Variants in ADGRL2 observed in about 807,000 individuals in gnomAD.
ADGRL2 encodes adhesion G protein-coupled receptor L2.
ADGRL2 carries 44 observed loss-of-function variants against 157.4 expected under a neutral mutation model. The observed-to-expected ratio is 0.28, with a 90% CI of 0.22 to 0.36. ADGRL2 has a LOEUF of 0.36. Among genes scored for constraint, ADGRL2 ranks in the 10% least tolerant of loss-of-function variants. ADGRL2 has a pLI of 1.00. For synonymous variants in ADGRL2, 585 were observed against 624.7 expected, an observed-to-expected ratio of 0.94 and a Z score of 0.95; for missense variants, 1,510 against 1,768.9, an observed-to-expected ratio of 0.85 and a Z score of 2.63.
rs187176673 is a variant in ADGRL2 at position 81,834,838 on chromosome 1, T to C, written c.-100-2047T>C. Among the ~76,000 whole-genome samples, 21 of 152,266 alleles carry C rather than the reference T, an allele frequency of 1.4e-4. No homozygotes were observed. In the East Asian group the frequency reaches 2.9e-3, roughly 21 times the overall value. On this transcript the variant is annotated intron_variant, in intron 1 of 23. Transcript: ENST00000686636. ...TACATGGTCTCATAATTGAATGATA[T>C]GTATTTTTAAAATTGTGTTTCACAT...
At chr1:81,696,478 C>T (rs566904383), upstream of ADGRL2, among the ~76,000 whole-genome samples, 3 of 151,966 alleles carry the variant, frequency 2.0e-5, no homozygotes, top group East Asian at 1.9e-4. Flanking sequence ...GTTGGCCAGG[C>T]GCGGTGGCTC....
intron 2 of ADGRL2, among the ~76,000 whole-genome samples, chr1:81,853,107 T>C (rs1405779547): frequency 6.6e-6 from 1 of 152,164 alleles, no homozygotes; most frequent in African/African-American, 2.4e-5. Flanking sequence ...GGGTATCTGT[T>C]ATCACTGAAT....
chr1:81,799,733 A>C (rs776761687), upstream of ADGRL2, among the ~76,000 whole-genome samples: 6 of 152,208 alleles, frequency 3.9e-5, no homozygotes, highest in Non-Finnish European at 8.8e-5. Context: ...CTTAAGTTTT[A>C]TCCTACTTTC....
chr1:81,881,325 G>A (rs953956028), intron 2 of ADGRL2, among the ~76,000 whole-genome samples: 1 of 152,126 alleles, frequency 6.6e-6, no homozygotes, highest in Non-Finnish European at 1.5e-5. Flanking sequence ...ACAGGAGCCC[G>A]CCGCCACGCC....
intron 1 of ADGRL2, among the ~76,000 whole-genome samples, chr1:81,742,281 T>C (rs762974610): frequency 7.2e-5 from 11 of 152,028 alleles, no homozygotes; most frequent in Non-Finnish European, 1.6e-4. Flanking sequence ...GTAGTTTCCT[T>C]AGGAATCATA....
intron 1 of ADGRL2, among the ~76,000 whole-genome samples, chr1:81,348,880 G>T (rs1025279637): frequency 1.3e-5 from 2 of 152,132 alleles, no homozygotes; most frequent in African/African-American, 4.8e-5. Context: ...ATTGATTTAT[G>T]AATTTGTTTA....
At chr1:81,821,058 C>A (rs1488485162) in intron 1 of ADGRL2, among the ~76,000 whole-genome samples, 2 of 151,988 alleles carry the variant, frequency 1.3e-5, no homozygotes, top group African/African-American at 4.8e-5. Flanking sequence ...GAAGACATAG[C>A]TATGCATAAG....
chr1:81,990,528 A>T lies in ADGRL2; in HGVS notation c.3793A>T (p.Asn1265Tyr). ...AGTTGTGGACTGTGGACTAAGTCTG[A>T]ATGATACTGCTTTTGAGAAAATGAT... Reference protein sequence around the residue: ...VQVVDCGLSLNDTAFEKMIIS... With the variant: ...VQVVDCGLSLYDTAFEKMIIS... Residue 1265 changes from asparagine to tyrosine, a missense_variant, in exon 24 of 24, where the codon AAT (asparagine) becomes TAT (tyrosine). Coordinates refer to ENST00000686636, the MANE Select transcript of ADGRL2 (RefSeq NM_001366006.2). 6.2e-7 allele frequency: 1 copy of T among 1,614,140 alleles called. No individual in the cohort carries two copies. Among genetic ancestry groups the T allele is most frequent in the Non-Finnish European group, 8.5e-7 (1 of 1,180,006 alleles).
intron 2 of ADGRL2, among the ~76,000 whole-genome samples, chr1:81,473,392 T>C (rs1020673418): frequency 6.6e-6 from 1 of 152,204 alleles, no homozygotes; most frequent in East Asian, 1.9e-4. Flanking sequence ...AGAACTTATA[T>C]ACACACTGGA....
At chr1:81,877,894 A>G (rs892899653) in intron 2 of ADGRL2, among the ~76,000 whole-genome samples, 22 of 152,260 alleles carry the variant, frequency 1.4e-4, no homozygotes, top group Admixed American at 6.5e-4. Context: ...TCATAAGTCA[A>G]GGTTGACATA....
exon 1 of ADGRL2, chr1:81,306,492 TC>T (rs1294913789): frequency 6.6e-6 from 1 of 151,958 alleles, no homozygotes; most frequent in Non-Finnish European, 1.5e-5. Context: ...GGAACTTACC[TC>T]CATCTGTCTT....
intron 3 of ADGRL2, among the ~76,000 whole-genome samples, chr1:81,636,258 T>C (rs761786818): frequency 5.3e-5 from 8 of 152,242 alleles, no homozygotes; most frequent in Non-Finnish European, 7.3e-5. Context: ...AAAGTGTATA[T>C]ATATGTGCAT....
intron 1 of ADGRL2, among the ~76,000 whole-genome samples, chr1:81,746,840 G>A (rs1218282109): frequency 9.8e-5 from 13 of 132,086 alleles, no homozygotes; most frequent in Non-Finnish European, 1.9e-4. Flanking sequence ...ATATATACAT[G>A]TATATACACA....
At chr1:81,945,416 AAAAG>A (rs964116728) in intron 6 of ADGRL2, among the ~76,000 whole-genome samples, 3 of 152,116 alleles carry the variant, frequency 2.0e-5, no homozygotes, top group African/African-American at 4.8e-5. Context: ...CCTCAGAAAA[AAAAG>A]AAAGAAAAAA....
chr1:81,948,368 C>T (rs1650623624), intron 6 of ADGRL2, among the ~76,000 whole-genome samples: 1 of 151,726 alleles, frequency 6.6e-6, no homozygotes, highest in Non-Finnish European at 1.5e-5. Flanking sequence ...TATTATGAAT[C>T]TCAACTAATG....
chr1:81,339,683 T>C (rs1038594525), intron 1 of ADGRL2, among the ~76,000 whole-genome samples: 2 of 152,212 alleles, frequency 1.3e-5, no homozygotes, highest in Non-Finnish European at 2.9e-5. Context: ...TCTCTCAAGA[T>C]TGACTACTAT....
Position 81,518,085 on chromosome 1 carries a change from G to A in ADGRL2, c.-247-62791G>A, listed in dbSNP as rs765610223. On this transcript the variant is annotated intron_variant, in intron 2 of 24. Transcript: ENST00000370721. ...AATTAATTGAGACTAGGTTTTTAGC[G>A]AGGAAGGATGGAGAGTTCAGTTCTG... Among the ~76,000 whole-genome samples the A allele has an allele frequency of 1.3e-4, 20 of 152,348 alleles. 1 individual carries two copies. Among genetic ancestry groups the A allele is most frequent in the African/African-American group, 3.1e-4 (13 of 41,596 alleles).
At position 81,990,904 on chromosome 1, in the gene ADGRL2, A is replaced by G. The variant is rs1166288878; in HGVS notation, c.4169A>G (p.Asp1390Gly). ...TATACAAGCATGCCCAATCTTAGAG[A>G]CTCTCCCTATCCGGAGAGCAGCCCT... is the stretch of plus-strand genomic sequence containing the variant. ...SLYTSMPNLR[D>G]SPYPESSPDM... The change falls in exon 24 of 24, where the codon GAC (aspartate) becomes GGC (glycine). Residue 1390 changes from aspartate to glycine, a missense_variant. By Grantham distance (94) the Asp-to-Gly change is moderately conservative. Coordinates refer to ENST00000686636, the MANE Select transcript of ADGRL2 (RefSeq NM_001366006.2). 1.2e-6 allele frequency: 2 copies of G among 1,613,148 alleles called. No homozygotes were observed. Among genetic ancestry groups the G allele is most frequent in the African/African-American group, 1.3e-5 (1 of 74,638 alleles).
At chr1:81,398,102 A>G (rs977925252) in intron 1 of ADGRL2, among the ~76,000 whole-genome samples, 36 of 152,158 alleles carry the variant, frequency 2.4e-4, no homozygotes, top group Middle Eastern at 3.4e-3. Flanking sequence ...CCTAAAATCT[A>G]TTTTATCTGA....
Sources: gnomAD v4.1 joint callset for allele counts (sites outside exome capture counted in the v4.1 genomes callset) on GRCh38, gnomAD v4.1.1 for gene constraint, MANE v1.5 for transcripts, NCBI Gene and HGNC (gene_info 2026-07-23, HGNC 2026-07-21) for gene names.